PPOX: variants seen among roughly 807,000 people sequenced by gnomAD.
PPOX encodes variegate porphyria.
In PPOX, 23 loss-of-function variants were observed where a neutral mutation model predicts 54.1. That is an observed-to-expected ratio of 0.43 (90% CI 0.31 to 0.60). The LOEUF (loss-of-function observed/expected upper bound fraction) is 0.60, where lower values mean the gene tolerates loss of function less well. Among genes scored for constraint, PPOX ranks in the 20% least tolerant of loss-of-function variants. The probability of loss-of-function intolerance (pLI) is 0.13; values close to 1 mark genes in which losing one functional copy is unlikely to be tolerated. For synonymous variants in PPOX, 224 were observed against 236.1 expected (o/e 0.95, Z 0.47); for missense variants, 512 against 601.1 (o/e 0.85, Z 1.55).
At chr1:161,171,256 A>G, downstream of PPOX, 1 of 1,607,308 alleles carries the variant, frequency 6.2e-7, no homozygotes, top group Non-Finnish European at 8.5e-7. Context: ...AGGCATAAGA[A>G]TGCGGGGCAG....
chr1:161,167,634 G>A, intron 4 of PPOX, 148 bp downstream of exon 4: 1 of 1,113,500 alleles, frequency 9.0e-7, no homozygotes, highest in Non-Finnish European at 1.2e-6. Flanking sequence ...GCGCGATCTT[G>A]GCTCACTGCA....
intron 1 of PPOX, 57 bp downstream of exon 1, chr1:161,166,729 CTTAGT>C: frequency 6.4e-7 from 1 of 1,551,914 alleles, no homozygotes; most frequent in Non-Finnish European, 8.7e-7. Context: ...TCCGTGCACA[CTTAGT>C]TTCCCCTAAA....
intron 4 of PPOX, 129 bp downstream of exon 4, chr1:161,167,615 A>C: frequency 8.2e-7 from 1 of 1,224,228 alleles, no homozygotes; most frequent in Non-Finnish European, 1.1e-6. Flanking sequence ...CCCAGGATGG[A>C]GTGCAATGGC....
intron 2 of PPOX, 31 bp from the exon 3 acceptor site, chr1:161,167,069 G>C (rs1029255000): frequency 6.2e-7 from 1 of 1,614,040 alleles, no homozygotes; most frequent in African/African-American, 1.3e-5. Flanking sequence ...GCTACAGGCG[G>C]TGCTGCAGTG....
At chr1:161,171,967 G>A (rs766374908), downstream of PPOX, 12 of 1,614,068 alleles carry the variant, frequency 7.4e-6, no homozygotes, top group African/African-American at 1.3e-5. Flanking sequence ...CCGAGGGTCA[G>A]TCCCAATGTC....
chr1:161,175,099 A>G, downstream of PPOX: 1 of 1,614,066 alleles, frequency 6.2e-7, no homozygotes, highest in Non-Finnish European at 8.5e-7. Context: ...ATGAGGCACA[A>G]TGATGGCTGT....
At chr1:161,176,415 AG>A in intron 4 of PPOX, 1 of 403,124 alleles carries the variant, frequency 2.5e-6, no homozygotes, top group Non-Finnish European at 4.6e-6. Flanking sequence ...CAATTTTAGA[AG>A]GGAAGAGATA....
At chr1:161,170,799 C>T (rs1488475197) in intron 11 of PPOX, 30 bp downstream of exon 11, 1 of 1,614,068 alleles carries the variant, frequency 6.2e-7, no homozygotes, top group Admixed American at 1.7e-5. Flanking sequence ...CCTCAGCTCT[C>T]CACTGAAGGC....
chr1:161,169,264 G>C, intron 7 of PPOX, 81 bp downstream of exon 7: 3 of 1,504,240 alleles, frequency 2.0e-6, no homozygotes, highest in Non-Finnish European at 2.7e-6. Context: ...AGGGCCGATA[G>C]GACTGGAGTT....
In PPOX at chr1:161,166,860, G is replaced by A; in HGVS notation, c.13G>A (p.Val5Met). MGRT[V>M]VVLGGGISGL... ...CCCAGGTTTCCGCATGGGCCGGACC[G>A]TGGTCGTGCTGGGCGGAGGCATCAG... Residue 5 changes from valine (V) to methionine (M), a missense_variant, in exon 2 of 13, where the codon GTG becomes ATG. By Grantham distance (21) the Val-to-Met change is conservative. Coordinates refer to ENST00000367999, the MANE Select transcript of PPOX (RefSeq NM_001122764.3). The A allele has an allele frequency of 1.1e-5, 18 of 1,613,710 alleles. No homozygotes were observed. Among genetic ancestry groups the A allele is most frequent in the Non-Finnish European group, 1.5e-5 (18 of 1,180,040 alleles).
downstream of PPOX, chr1:161,173,720 A>G: frequency 6.2e-7 from 1 of 1,614,160 alleles, no homozygotes; most frequent in Non-Finnish European, 8.5e-7. Context: ...TACTGGGGGT[A>G]CGGGAGGCTA....
intron 9 of PPOX, 44 bp downstream of exon 9, chr1:161,170,068 T>C: frequency 6.3e-7 from 1 of 1,581,460 alleles, no homozygotes; most frequent in South Asian, 1.1e-5. Flanking sequence ...GGCTCACACC[T>C]GTAATCCCAG....
At position 161,168,037 on chromosome 1, in the gene PPOX, T is replaced by G; in HGVS notation, c.381T>G (p.Phe127Leu). Reference protein sequence around the residue: ...RPSPPFSKPLFWAGLRELTKP... With the variant: ...RPSPPFSKPLLWAGLRELTKP... ...CACCCCCCTTCTCCAAACCTCTGTT[T>G]TGGGCTGGGCTGAGGGAGCTGACCA... Residue 127 changes from phenylalanine (F) to leucine (L), a missense_variant, in exon 5 of 13, where the codon TTT becomes TTG. Coordinates refer to ENST00000367999, the MANE Select transcript of PPOX (RefSeq NM_001122764.3). The G allele has an allele frequency of 6.2e-7, 1 of 1,614,154 alleles. No individual in the cohort carries two copies. The highest frequency in any genetic ancestry group is 8.5e-7 in the Non-Finnish European group (1 of 1,180,034).
exon 5 of PPOX, chr1:161,176,942 ATTC>A: frequency 6.5e-7 from 1 of 1,536,122 alleles, no homozygotes; most frequent in Non-Finnish European, 8.7e-7. Flanking sequence ...GGCTCCTTCT[ATTC>A]TTCATGTGCC....
At chr1:161,177,907 G>T (rs1046086284), downstream of PPOX, 2 of 152,142 alleles carry the variant, frequency 1.3e-5, no homozygotes, top group Non-Finnish European at 2.9e-5. Flanking sequence ...TGTTCCTTAC[G>T]CAGGCTACAG....
In PPOX at chr1:161,168,478, G is replaced by T. The variant is rs376419482; in HGVS notation, c.518G>T (p.Gly173Val). ...MDSLCRGVFAGNSRELSIRSC... is the reference protein window; with the variant it reads ...MDSLCRGVFAVNSRELSIRSC... ...AGTCTCTGCCGTGGAGTGTTTGCAG[G>T]CAACAGCCGTGAGCTCAGCATCAGG... The change falls in exon 6 of 13, where the codon GGC becomes GTC. Residue 173 changes from glycine to valine, a missense_variant. Physicochemically the swap from Gly to Val is moderately radical, Grantham distance 109 (BLOSUM62 -3). Coordinates refer to ENST00000367999, the MANE Select transcript of PPOX (RefSeq NM_001122764.3). 1.2e-6 allele frequency: 2 copies of T among 1,614,004 alleles called. No homozygotes were observed. Among genetic ancestry groups the T allele is most frequent in the African/African-American group, 2.7e-5 (2 of 74,896 alleles).
intron 7 of PPOX, 199 bp downstream of exon 7, chr1:161,169,382 A>G (rs1426482319): frequency 2.8e-6 from 2 of 723,876 alleles, no homozygotes; most frequent in African/African-American, 3.5e-5. Context: ...TGTGGATAGA[A>G]GTAGTACTTA....
downstream of PPOX, chr1:161,174,009 A>G (rs755946197): frequency 1.9e-6 from 3 of 1,614,006 alleles, no homozygotes; most frequent in African/African-American, 1.3e-5. Flanking sequence ...TCGCACCCCA[A>G]CGTTCAACAG....
intron 4 of PPOX, 66 bp downstream of exon 4, chr1:161,167,552 CTTTTCT>C (rs1659465495): frequency 1.4e-5 from 8 of 573,734 alleles, no homozygotes; most frequent in Middle Eastern, 5.1e-4. Flanking sequence ...TTTCTTTCTT[CTTTTCT>C]TTTTTTTTTT....
Sources: gnomAD v4.1 joint callset for allele counts on GRCh38, gnomAD v4.1.1 for gene constraint, MANE v1.5 for transcripts, NCBI Gene and HGNC (gene_info 2026-07-23, HGNC 2026-07-21) for gene names.